The following INPP5B variants were observed in gnomAD, a reference collection of about 807,000 sequenced individuals.
INPP5B encodes the protein inositol polyphosphate-5-phosphatase B, also known as type II inositol 1,4,5-trisphosphate 5-phosphatase.
Under a neutral mutation model 118.5 loss-of-function variants are expected in INPP5B, and 90 were observed. The ratio of observed to expected loss-of-function variants is 0.76; its 90% confidence interval spans 0.64 to 0.90. The LOEUF (loss-of-function observed/expected upper bound fraction) is 0.90. Ranked by LOEUF, INPP5B falls within the 40% of genes least tolerant of loss-of-function variation. The pLI is 0.00. For synonymous variants in INPP5B, 385 were observed against 418.9 expected, an observed-to-expected ratio of 0.92 and a Z score of 0.99; for missense variants, 984 against 1,125.6, an observed-to-expected ratio of 0.87 and a Z score of 1.80.
intron 23 of INPP5B, among the ~76,000 whole-genome samples, chr1:37,863,913 C>T (rs1641867086): frequency 6.6e-6 from 1 of 150,558 alleles, no homozygotes; most frequent in Non-Finnish European, 1.5e-5. Flanking sequence ...CTCCCAGTTT[C>T]AAGCGATTCT....
At chr1:37,879,661 G>A (rs540632184) in intron 15 of INPP5B, among the ~76,000 whole-genome samples, 1 of 152,170 alleles carries the variant, frequency 6.6e-6, no homozygotes, top group Non-Finnish European at 1.5e-5. Flanking sequence ...GGGAGGATGA[G>A]GCAGGAGAAT....
At chr1:37,891,505 T>G (rs1643843808) in intron 7 of INPP5B, 51 bp from the exon 8 acceptor site, 2 of 1,347,712 alleles carry the variant, frequency 1.5e-6, no homozygotes, top group Non-Finnish European at 2.1e-6. Context: ...CTGGACATGG[T>G]GGCTCATGCC....
intron 6 of INPP5B, among the ~76,000 whole-genome samples, chr1:37,932,342 A>G (rs1310929421): frequency 6.8e-6 from 1 of 146,898 alleles, no homozygotes; most frequent in African/African-American, 2.5e-5. Flanking sequence ...GGAAACTATT[A>G]TCCCAATTTT....
intron 7 of INPP5B, among the ~76,000 whole-genome samples, chr1:37,897,002 C>A (rs1159802302): frequency 7.2e-5 from 10 of 139,768 alleles, no homozygotes; most frequent in East Asian, 7.0e-4. Context: ...GCCCCCCGCC[C>A]GGCCAGCCGC....
chr1:37,937,038 C>T (rs990263665), intron 6 of INPP5B, among the ~76,000 whole-genome samples: 17 of 152,076 alleles, frequency 1.1e-4, no homozygotes, highest in Non-Finnish European at 1.8e-4. Context: ...CCAGGCCGGG[C>T]GCGGTGGCTC....
chr1:37,901,410 C>T (rs1644327960), intron 7 of INPP5B, among the ~76,000 whole-genome samples: 1 of 152,160 alleles, frequency 6.6e-6, no homozygotes, highest in Non-Finnish European at 1.5e-5. Context: ...AAGGCACCTG[C>T]ACTTTTCAAA....
chr1:37,917,624 A>T (rs950011949), intron 7 of INPP5B, among the ~76,000 whole-genome samples: 1 of 151,754 alleles, frequency 6.6e-6, no homozygotes, highest in Admixed American at 6.6e-5. Flanking sequence ...GTGCCCAGCC[A>T]AAAAACTGAA....
chr1:37,940,676 G>C lies in INPP5B; in HGVS notation c.391+12C>G. Reference sequence around the variant, plus strand: ...ACCCACCCACCCCCAGGGAGCCTGGGGTCTTACCTACCTGGACAGGCCCTG... The same window carrying C: ...ACCCACCCACCCCCAGGGAGCCTGGCGTCTTACCTACCTGGACAGGCCCTG... On this transcript the variant is annotated intron_variant, in intron 6 of 23. Coordinates refer to ENST00000373024, the MANE Select transcript of INPP5B (RefSeq NM_005540.3). 6.4e-7 allele frequency: 1 copy of C among 1,569,446 alleles called. No individual in the cohort carries two copies.
At chr1:37,905,421 TAAAC>T (rs1207078926) in intron 7 of INPP5B, among the ~76,000 whole-genome samples, 1 of 152,054 alleles carries the variant, frequency 6.6e-6, no homozygotes, top group Non-Finnish European at 1.5e-5. Context: ...AATAAATAAA[TAAAC>T]AAAAATATGT....
rs375366186 is a variant in INPP5B at position 37,873,178 on chromosome 1, T to C, written c.1952-13A>G. ...TCAACATCAGAATCTGCAGAGAAAT[T>C]TTAAAAATAATGTTGGCCGGGGGCA... On this transcript the variant is annotated splice_polypyrimidine_tract_variant and intron_variant, in intron 18 of 23. Coordinates refer to ENST00000373024, the MANE Select transcript of INPP5B (RefSeq NM_005540.3). The C allele has an allele frequency of 1.9e-6, 3 of 1,596,814 alleles. No individual in the cohort carries two copies. Among genetic ancestry groups the C allele is most frequent in the Non-Finnish European group, 2.6e-6 (3 of 1,164,282 alleles).
intron 11 of INPP5B, 148 bp from the exon 12 acceptor site, chr1:37,887,152 C>T (rs760783194): frequency 4.8e-5 from 37 of 763,514 alleles, no homozygotes; most frequent in Non-Finnish European, 8.0e-5. Context: ...ATTCACCAAG[C>T]ATGCTATGTG....
intron 7 of INPP5B, among the ~76,000 whole-genome samples, chr1:37,903,154 G>A (rs979159843): frequency 1.3e-5 from 2 of 152,158 alleles, no homozygotes; most frequent in Admixed American, 6.5e-5. Context: ...CATTCCCAGA[G>A]AGTTAGGCAT....
chr1:37,883,951 A>G (rs1184265754), intron 13 of INPP5B: 1 of 646,362 alleles, frequency 1.5e-6, no homozygotes, highest in Non-Finnish European at 1.9e-6. Context: ...TTGTAGAGAT[A>G]AATGAGATAA....
intron 13 of INPP5B, chr1:37,883,874 A>T (rs1042406785): frequency 2.0e-6 from 2 of 982,714 alleles, no homozygotes; most frequent in Non-Finnish European, 1.2e-6. Flanking sequence ...TCCTCTTTAT[A>T]AAAGAAGTGG....
At chr1:37,877,346 GA>G (rs796297629) in intron 16 of INPP5B, among the ~76,000 whole-genome samples, 2,164 of 105,186 alleles carry the variant, frequency 0.021, 48 homozygotes, top group African/African-American at 0.069. Flanking sequence ...CATCTCAACA[GA>G]AAAAAAAAAA....
chr1:37,880,157 C>A lies in INPP5B; in HGVS notation c.1469G>T (p.Gly490Val). 1 of 1,610,062 alleles carries A rather than the reference C, an allele frequency of 6.2e-7. No individual in the cohort carries two copies. The highest frequency in any genetic ancestry group is 1.7e-5 in the Admixed American group (1 of 59,906). Reference protein sequence around the residue: ...IQVAAKTVFEGFTEGELTFQP... With the variant: ...IQVAAKTVFEVFTEGELTFQP... Reference sequence around the variant, plus strand: ...GAATGTGAGCTCACCCTCTGTGAAGCCTTCAAAGACAGTCTTTGCGGCCAC... The same window carrying A: ...GAATGTGAGCTCACCCTCTGTGAAGACTTCAAAGACAGTCTTTGCGGCCAC... Residue 490 changes from glycine (G) to valine (V), a missense_variant, in exon 15 of 24, where the codon GGC (glycine) becomes GTC (valine). Transcript: ENST00000373024.
Position 37,891,379 on chromosome 1 carries a change from T to G in INPP5B, c.608A>C (p.Lys203Thr). ...PMDQSSRGQD[K>T]PESLQPRQNK... Reference sequence around the variant, plus strand: ...TTACCTTGGTTGCAAGCTTTCTGGTTTATCTTGACCCCTGGAGCTTTGGTC... The same window carrying G: ...TTACCTTGGTTGCAAGCTTTCTGGTGTATCTTGACCCCTGGAGCTTTGGTC... Residue 203 changes from lysine to threonine, a missense_variant, in exon 8 of 24, where the codon AAA (lysine) becomes ACA (threonine). This residue lies in a region of INPP5B where 350 missense variants were observed against 334.6 expected (regional missense o/e 1.05). Transcript: ENST00000373024. The G allele has an allele frequency of 6.2e-7, 1 of 1,614,058 alleles. No homozygotes were observed. The highest frequency in any genetic ancestry group is 8.5e-7 in the Non-Finnish European group (1 of 1,179,924).
chr1:37,939,659 G>T (rs1645842114), intron 6 of INPP5B, among the ~76,000 whole-genome samples: 1 of 123,924 alleles, frequency 8.1e-6, no homozygotes, highest in Admixed American at 8.4e-5. Context: ...TAGCTAGGAT[G>T]ATCTCGATCT....
chr1:37,889,868 A>G (rs1487655975), intron 8 of INPP5B, 144 bp from the exon 9 acceptor site: 4 of 554,608 alleles, frequency 7.2e-6, no homozygotes, highest in African/African-American at 3.8e-5. Context: ...TACTAAAACA[A>G]CACTATTTCT....
Sources: gnomAD v4.1 joint callset for allele counts (sites outside exome capture counted in the v4.1 genomes callset) on GRCh38, gnomAD v4.1.1 for gene constraint, gnomAD v4.1.1 regional missense constraint, MANE v1.5 for transcripts, NCBI Gene and HGNC (gene_info 2026-07-23, HGNC 2026-07-21) for gene names.